Variants in ANKRD55 observed in about 807,000 individuals in gnomAD.
The protein encoded by ANKRD55 is ankyrin repeat domain-containing protein 55.
ANKRD55 carries 41 observed loss-of-function variants against 60.6 expected under a neutral mutation model. The observed-to-expected ratio is 0.68, with a 90% CI of 0.53 to 0.88. The LOEUF is 0.88. Ranked by LOEUF, ANKRD55 falls within the 40% of genes least tolerant of loss-of-function variation. The pLI is 0.00. For synonymous variants in ANKRD55, 264 were observed against 290.3 expected (o/e 0.91, Z 0.92); for missense variants, 732 against 767.6 (o/e 0.95, Z 0.55).
intron 8 of ANKRD55, among the ~76,000 whole-genome samples, chr5:56,118,142 C>CA (rs1008302760): frequency 2.7e-4 from 39 of 145,992 alleles, no homozygotes; most frequent in South Asian, 1.1e-3. Flanking sequence ...GACTCTGTCT[C>CA]AAAAAAAAAG....
At chr5:56,158,130 G>A (rs1226083328) in intron 6 of ANKRD55, among the ~76,000 whole-genome samples, 1 of 151,952 alleles carries the variant, frequency 6.6e-6, no homozygotes, top group Non-Finnish European at 1.5e-5. Flanking sequence ...GTAGTGAGCT[G>A]AGATTGCACC....
intron 4 of ANKRD55, among the ~76,000 whole-genome samples, chr5:56,173,590 A>ATT (rs1758667884): frequency 7.6e-6 from 1 of 131,804 alleles, no homozygotes; most frequent in African/African-American, 3.0e-5. Context: ...CTCTATATAT[A>ATT]TATATATATA....
intron 10 of ANKRD55, among the ~76,000 whole-genome samples, chr5:56,107,965 G>T (rs1756540687): frequency 6.6e-6 from 1 of 151,770 alleles, no homozygotes; most frequent in African/African-American, 2.4e-5. Context: ...TGCCTCCCAG[G>T]CTCAAGTGAT....
intron 8 of ANKRD55, among the ~76,000 whole-genome samples, chr5:56,120,082 G>T: frequency 6.6e-6 from 1 of 151,446 alleles, no homozygotes; most frequent in Non-Finnish European, 1.5e-5. Context: ...CTGTTGCCAG[G>T]CTGGAGTGCA....
chr5:56,127,290 G>A (rs1757294250), intron 7 of ANKRD55, 184 bp from the exon 8 acceptor site: 1 of 985,334 alleles, frequency 1.0e-6, no homozygotes. Context: ...TCCAACAAGT[G>A]TCCACTTGTC....
chr5:56,107,872 C>CCT (rs1561248959), intron 10 of ANKRD55, among the ~76,000 whole-genome samples: 1 of 145,674 alleles, frequency 6.9e-6, no homozygotes, highest in Non-Finnish European at 1.5e-5. Context: ...TAGCAATAAA[C>CCT]TTTTTTTTTT....
intron 11 of ANKRD55, among the ~76,000 whole-genome samples, chr5:56,100,630 A>G (rs1352786306): frequency 6.6e-6 from 1 of 152,218 alleles, no homozygotes. Flanking sequence ...AAGGTTCTAA[A>G]GAAGGCCCAA....
intron 8 of ANKRD55, among the ~76,000 whole-genome samples, chr5:56,122,260 G>A (rs568458571): frequency 2.1e-4 from 32 of 152,184 alleles, no homozygotes; most frequent in Non-Finnish European, 4.3e-4. Context: ...GAGCTTGGAG[G>A]TGGCCTAAAG....
At chr5:56,137,567 G>C in intron 7 of ANKRD55, 21 of 598,404 alleles carry the variant, frequency 3.5e-5, no homozygotes, top group East Asian at 6.1e-5. Context: ...AAAAGTAAAA[G>C]AAAAAAAAAA....
chr5:56,180,197 C>T (rs1302858656), intron 3 of ANKRD55, among the ~76,000 whole-genome samples: 1 of 152,120 alleles, frequency 6.6e-6, no homozygotes, highest in African/African-American at 2.4e-5. Flanking sequence ...CCCACTCCCA[C>T]AATGACCCAT....
At chr5:56,144,309 C>A (rs763536064) in intron 6 of ANKRD55, among the ~76,000 whole-genome samples, 1 of 152,146 alleles carries the variant, frequency 6.6e-6, no homozygotes, top group Non-Finnish European at 1.5e-5. Context: ...AGGGACTGTT[C>A]TAAACAGGCC....
intron 2 of ANKRD55, among the ~76,000 whole-genome samples, chr5:56,218,470 A>C (rs554028019): frequency 1.3e-5 from 2 of 152,150 alleles, no homozygotes; most frequent in African/African-American, 4.8e-5. Context: ...TCGAGGCAAG[A>C]CCCTCTACCA....
chr5:56,231,244 A>G (rs1323541951), intron 2 of ANKRD55, among the ~76,000 whole-genome samples: 1 of 152,336 alleles, frequency 6.6e-6, no homozygotes, highest in Non-Finnish European at 1.5e-5. Flanking sequence ...ATGGGAGAGA[A>G]TCCGGCCCAG....
chr5:56,163,664 T>C (rs995466496), intron 5 of ANKRD55, among the ~76,000 whole-genome samples: 3 of 152,196 alleles, frequency 2.0e-5, no homozygotes, highest in Non-Finnish European at 4.4e-5. Context: ...CCAGTGACCT[T>C]GGGCGAGCTC....
At chr5:56,126,603 A>AC (rs1476804567) in intron 8 of ANKRD55, among the ~76,000 whole-genome samples, 1 of 151,804 alleles carries the variant, frequency 6.6e-6, no homozygotes, top group Non-Finnish European at 1.5e-5. Flanking sequence ...GAAAAAAAAA[A>AC]CAACCAAAAC....
intron 2 of ANKRD55, among the ~76,000 whole-genome samples, chr5:56,204,064 C>T (rs1482649583): frequency 1.3e-5 from 2 of 152,128 alleles, no homozygotes; most frequent in Non-Finnish European, 2.9e-5. Context: ...TTTTGATTTG[C>T]ATTTCTCTGA....
At chr5:56,190,270 G>A (rs1759062880) in intron 2 of ANKRD55, among the ~76,000 whole-genome samples, 2 of 152,142 alleles carry the variant, frequency 1.3e-5, no homozygotes, top group Admixed American at 6.5e-5. Flanking sequence ...CTCTCATTCT[G>A]TGGGTTGCCT....
rs989941661 is a variant in ANKRD55 at position 56,120,412 on chromosome 5, A to G, written c.798-3630T>C. Among the ~76,000 whole-genome samples the G allele has an allele frequency of 3.9e-5, 6 of 152,118 alleles. No individual in the cohort carries two copies. The East Asian group carries it at 1.2e-3, about 29-fold the overall frequency. ...ATTTTCTACCTCGCCTCTTTCCCCT[A>G]TTTAAGGGGATGGTTGACTTTGTGC... is the stretch of plus-strand genomic sequence containing the variant. On this transcript the variant is annotated intron_variant, in intron 8 of 11. Coordinates refer to ENST00000341048, the MANE Select transcript of ANKRD55 (RefSeq NM_024669.3).
intron 2 of ANKRD55, among the ~76,000 whole-genome samples, chr5:56,217,770 C>T (rs970693523): frequency 6.6e-5 from 10 of 151,978 alleles, no homozygotes; most frequent in African/African-American, 2.4e-4. Flanking sequence ...GTGGGGGGCA[C>T]CTGTAGTCCC....
Sources: allele counts gnomAD v4.1 joint callset (sites outside exome capture counted in the v4.1 genomes callset), GRCh38; gene constraint gnomAD v4.1.1; transcripts MANE v1.5; gene names NCBI Gene and HGNC (gene_info 2026-07-23, HGNC 2026-07-21).